The following SNTG2 variants were observed in gnomAD, a reference collection of about 807,000 sequenced individuals.
SNTG2 encodes syntrophin gamma 2.
SNTG2 carries 74 observed loss-of-function variants against 70.9 expected under a neutral mutation model. That is an observed-to-expected ratio of 1.04 (90% CI 0.86 to 1.27). The LOEUF (loss-of-function observed/expected upper bound fraction) is 1.27. Among genes scored for constraint, SNTG2 ranks in the 50% most tolerant of loss-of-function variants. The pLI is 0.00. For synonymous variants in SNTG2, 278 were observed against 273.8 expected (o/e 1.02, Z -0.15); for missense variants, 717 against 690.7 (o/e 1.04, Z -0.43).
At chr2:1,010,655 G>A (rs1361512981) in intron 1 of SNTG2, among the ~76,000 whole-genome samples, 1 of 152,154 alleles carries the variant, frequency 6.6e-6, no homozygotes. Flanking sequence ...TTTTCAGATG[G>A]TGCTTGGTTG....
intron 8 of SNTG2, among the ~76,000 whole-genome samples, chr2:1,199,393 G>A (rs1283306976): frequency 3.3e-5 from 5 of 151,908 alleles, no homozygotes; most frequent in Non-Finnish European, 5.9e-5. Context: ...GGTCATATAT[G>A]ACAGGCCCAT....
At chr2:1,320,541 A>C (rs1486858548) in intron 16 of SNTG2, among the ~76,000 whole-genome samples, 5 of 150,684 alleles carry the variant, frequency 3.3e-5, no homozygotes, top group Admixed American at 3.3e-4. Context: ...TCTCAAAAAA[A>C]AAAAAAAAAA....
intron 8 of SNTG2, among the ~76,000 whole-genome samples, chr2:1,194,772 G>A (rs867384826): frequency 2.0e-5 from 3 of 152,082 alleles, no homozygotes; most frequent in African/African-American, 7.2e-5. Context: ...TAGATGTGCA[G>A]AACGTGCAGT....
chr2:1,077,296 A>G (rs1353030534), intron 1 of SNTG2, among the ~76,000 whole-genome samples: 1 of 152,186 alleles, frequency 6.6e-6, no homozygotes, highest in Non-Finnish European at 1.5e-5. Flanking sequence ...TGCCAACACC[A>G]TATGGACGTC....
intron 9 of SNTG2, among the ~76,000 whole-genome samples, chr2:1,231,707 A>T (rs28678499): frequency 6.6e-6 from 1 of 151,968 alleles, no homozygotes; most frequent in African/African-American, 2.4e-5. Context: ...TGGCTGAGAT[A>T]GGGTGGAGTC....
chr2:1,091,312 G>A (rs868131165), intron 2 of SNTG2, among the ~76,000 whole-genome samples: 2 of 152,130 alleles, frequency 1.3e-5, no homozygotes, highest in African/African-American at 4.8e-5. Context: ...GGACCACTTG[G>A]GACAGCTCCC....
At chr2:1,031,183 C>T (rs911428189) in intron 1 of SNTG2, among the ~76,000 whole-genome samples, 6 of 152,048 alleles carry the variant, frequency 3.9e-5, no homozygotes, top group Non-Finnish European at 8.8e-5. Flanking sequence ...TAAAAGCAGC[C>T]ACCTGACTTC....
chr2:1,046,688 A>G (rs1661755532), intron 1 of SNTG2, among the ~76,000 whole-genome samples: 1 of 152,144 alleles, frequency 6.6e-6, no homozygotes, highest in African/African-American at 2.4e-5. Flanking sequence ...TAGGTCTCCA[A>G]TCTCTTCTAG....
At chr2:972,657 A>G (rs1336478893) in intron 1 of SNTG2, among the ~76,000 whole-genome samples, 1 of 152,010 alleles carries the variant, frequency 6.6e-6, no homozygotes, top group Non-Finnish European at 1.5e-5. Flanking sequence ...TTTCTCATGG[A>G]TGGTTTGGCA....
chr2:1,294,277 A>G (rs1284347874), intron 14 of SNTG2, among the ~76,000 whole-genome samples: 3 of 152,040 alleles, frequency 2.0e-5, no homozygotes, highest in Non-Finnish European at 4.4e-5. Context: ...GACAGACCCC[A>G]ACCCTCAGGT....
intron 8 of SNTG2, among the ~76,000 whole-genome samples, chr2:1,205,515 C>T (rs1673577338): frequency 6.6e-6 from 1 of 152,150 alleles, no homozygotes; most frequent in Non-Finnish European, 1.5e-5. Flanking sequence ...GAGATGAAGA[C>T]TGTCTTGAAA....
intron 13 of SNTG2, among the ~76,000 whole-genome samples, chr2:1,262,642 T>C (rs1185713290): frequency 6.6e-6 from 1 of 151,738 alleles, no homozygotes. Flanking sequence ...AAAGGCTCAG[T>C]CCAGACGTAG....
chr2:1,278,212 A>G (rs1439827694), intron 14 of SNTG2, among the ~76,000 whole-genome samples: 5 of 152,314 alleles, frequency 3.3e-5, no homozygotes, highest in South Asian at 4.1e-4. Flanking sequence ...GGACAACTCA[A>G]TCAAGTAACT....
chr2:1,073,036 G>A (rs999569135), intron 1 of SNTG2, among the ~76,000 whole-genome samples: 13 of 152,252 alleles, frequency 8.5e-5, no homozygotes, highest in South Asian at 2.1e-4. Flanking sequence ...ATTGCTTCCC[G>A]TGGATGAGCA....
intron 2 of SNTG2, among the ~76,000 whole-genome samples, chr2:1,085,348 G>A (rs4246571): frequency 0.76 from 115,666 of 152,122 alleles, 44,611 homozygotes; most frequent in Admixed American, 0.87. Context: ...ATAGCATCAG[G>A]TTCTCTACCA....
At chr2:1,165,354 G>C (rs570661665) in intron 6 of SNTG2, among the ~76,000 whole-genome samples, 194 bp from the exon 7 acceptor site, 1 of 151,994 alleles carries the variant, frequency 6.6e-6, no homozygotes, top group South Asian at 2.1e-4. Context: ...GATAGAGTGT[G>C]GGGGGTAGGT....
intron 11 of SNTG2, among the ~76,000 whole-genome samples, chr2:1,245,131 GGA>G (rs1677339685): frequency 8.6e-6 from 1 of 116,612 alleles, no homozygotes; most frequent in Admixed American, 9.7e-5. Flanking sequence ...TCGGGTGGGG[GGA>G]GGGGGGAGGG....
intron 12 of SNTG2, among the ~76,000 whole-genome samples, chr2:1,255,853 A>AATATATATAAATATATAAAAAT (rs1678041476): frequency 2.5e-5 from 1 of 39,558 alleles, no homozygotes; most frequent in African/African-American, 9.9e-5. Context: ...AATATATATA[A>AATATATATAAATATATAAAAAT]ATATATATAA....
At chr2:1,222,194 C>T (rs1391242124) in intron 9 of SNTG2, among the ~76,000 whole-genome samples, 2 of 149,480 alleles carry the variant, frequency 1.3e-5, no homozygotes, top group Admixed American at 1.4e-4. Flanking sequence ...TCTGCAGCCT[C>T]TCAGTCGAGG....
Sources: gnomAD v4.1 joint callset for allele counts (sites outside exome capture counted in the v4.1 genomes callset) on GRCh38, gnomAD v4.1.1 for gene constraint, MANE v1.5 for transcripts, NCBI Gene and HGNC (gene_info 2026-07-23, HGNC 2026-07-21) for gene names.